DOT1L: variants seen among roughly 807,000 people sequenced by gnomAD.
The protein encoded by DOT1L is histone-lysine N-methyltransferase, H3 lysine-79 specific.
Under a neutral mutation model 153.3 loss-of-function variants are expected in DOT1L, and 33 were observed. That is an observed-to-expected ratio of 0.22 (90% CI 0.16 to 0.29). The LOEUF (loss-of-function observed/expected upper bound fraction) is 0.29. DOT1L is among the 10% of genes least tolerant of loss of function. The pLI is 1.00. For missense variants in DOT1L, 1,847 were observed against 2,119.9 expected (o/e 0.87, Z 2.53); for synonymous variants, 1,135 against 965.1 (o/e 1.18, Z -3.26).
At chr19:2,228,192 T>C (rs1705799212) in intron 27 of DOT1L, 2 of 1,365,034 alleles carry the variant, frequency 1.5e-6, no homozygotes, top group South Asian at 2.3e-5. Context: ...CCGCCCCTCC[T>C]TCACGGTGCA....
At chr19:2,229,464 C>G (rs2024506671) in intron 27 of DOT1L, 4 of 985,312 alleles carry the variant, frequency 4.1e-6, no homozygotes, top group African/African-American at 1.7e-5. Flanking sequence ...ATGCGGGCAC[C>G]TGCGGGCTGG....
intron 1 of DOT1L, among the ~76,000 whole-genome samples, chr19:2,166,192 G>C (rs1254543834): frequency 1.3e-5 from 2 of 152,062 alleles, no homozygotes; most frequent in Non-Finnish European, 2.9e-5. Flanking sequence ...AGCCTCCCGG[G>C]TTCAAGCGAT....
At position 2,226,259 on chromosome 19, in the gene DOT1L, G is replaced by C. The variant is rs762531606; in HGVS notation, c.3738G>C (p.Ser1246=). 6.3e-7 allele frequency: 1 copy of C among 1,582,204 alleles called. No individual in the cohort carries two copies. Among genetic ancestry groups the C allele is most frequent in the South Asian group, 1.1e-5 (1 of 87,374 alleles). The change falls in exon 27 of 28, where the codon TCG becomes TCC. Residue 1246 remains serine, a synonymous_variant. Coordinates refer to ENST00000398665, the MANE Select transcript of DOT1L (RefSeq NM_032482.3). ...VNSSKWKSTF[S]PISDIGLAKS... ...GCAGCAAGTGGAAGTCCACCTTCTC[G>C]CCCATCTCCGACATCGGCCTGGCCA...
chr19:2,201,041 TCCTCCC>T (rs2023251759), intron 8 of DOT1L, among the ~76,000 whole-genome samples: 1 of 119,434 alleles, frequency 8.4e-6, no homozygotes, highest in Non-Finnish European at 1.7e-5. Context: ...GCATTCCTCG[TCCTCCC>T]CGCATTCCTC....
chr19:2,176,348 T>C (rs1233547293), intron 1 of DOT1L, among the ~76,000 whole-genome samples: 1 of 152,126 alleles, frequency 6.6e-6, no homozygotes, highest in Admixed American at 6.6e-5. Flanking sequence ...TAGCTGTGAA[T>C]GACAGGGAAT....
intron 8 of DOT1L, among the ~76,000 whole-genome samples, chr19:2,201,440 C>T (rs1035904671): frequency 6.6e-6 from 1 of 152,228 alleles, no homozygotes; most frequent in Non-Finnish European, 1.5e-5. Context: ...TCCCTGTGCT[C>T]TTCTTCCTCG....
At chr19:2,211,955 CCCT>C in intron 16 of DOT1L, 113 bp downstream of exon 16, 1 of 929,496 alleles carries the variant, frequency 1.1e-6, no homozygotes, top group South Asian at 1.7e-5. Context: ...TGAGTGGGCT[CCCT>C]CCTCTGCTCA....
intron 1 of DOT1L, among the ~76,000 whole-genome samples, chr19:2,174,956 A>G (rs1466148312): frequency 9.9e-6 from 1 of 100,522 alleles, no homozygotes. Flanking sequence ...GTTTTTAAAT[A>G]TATGTGTGTG....
rs1403454584 is a variant in DOT1L, at chr19:2,204,231, ATGCCTGTGTGTGTGCG to A, written c.787+1457_787+1472del. On this transcript the variant is annotated intron_variant, in intron 9 of 27. Coordinates refer to ENST00000398665, the MANE Select transcript of DOT1L (RefSeq NM_032482.3). This position sits in a 1 kb window ranked among gnomAD's most constrained non-coding sequence, Gnocchi z 5.7. The stretch of plus-strand genomic sequence containing the variant: ...TGTCTGCATGTCTGTGCCTGTGTGC[ATGCCTGTGTGTGTGCG>A]TGCCCGTGTGCCTCCGTGTCTATGT... Among the ~76,000 whole-genome samples, 2 of 149,348 alleles carry A rather than the reference ATGCCTGTGTGTGTGCG, an allele frequency of 1.3e-5. No homozygotes were observed. The highest frequency in any genetic ancestry group is 5.0e-5 in the African/African-American group (2 of 40,236).
rs1342123167 is a variant in DOT1L, at chr19:2,190,167, C to T, written c.264+372C>T. Among the ~76,000 whole-genome samples, 1 of 152,142 alleles carries T rather than the reference C, an allele frequency of 6.6e-6. No individual in the cohort carries two copies. The highest frequency in any genetic ancestry group is 1.5e-5 in the Non-Finnish European group (1 of 68,018). On this transcript the variant is annotated intron_variant, in intron 4 of 27. Transcript: ENST00000398665. This position sits in a 1 kb window ranked among gnomAD's most constrained non-coding sequence, Gnocchi z 4.8. Reference sequence around the variant, plus strand: ...CTTCCCCCTTGGACCTCCCCCACACCGCCTGCCTTCATCAGGCTGGATGCC... The same window carrying T: ...CTTCCCCCTTGGACCTCCCCCACACTGCCTGCCTTCATCAGGCTGGATGCC...
chr19:2,166,862 G>T (rs867772660), intron 1 of DOT1L, among the ~76,000 whole-genome samples: 1 of 152,228 alleles, frequency 6.6e-6, no homozygotes, highest in African/African-American at 2.4e-5. Context: ...TCCCTGCGGC[G>T]CCCCCATCCT....
At chr19:2,184,170 T>C (rs967719637) in intron 2 of DOT1L, among the ~76,000 whole-genome samples, 1 of 152,012 alleles carries the variant, frequency 6.6e-6, no homozygotes, top group South Asian at 2.1e-4. Context: ...CTGGACAGTG[T>C]GATGAGAAGT....
chr19:2,229,117 G>A lies in DOT1L; in HGVS notation c.4607-668G>A, dbSNP rs111440747. ...AGCTGGGCAGGTTAGTGTAGACGGTGCCCACCTTTGAGACCAGAAGGAAGT... is the reference window on the plus strand; with the variant it reads ...AGCTGGGCAGGTTAGTGTAGACGGTACCCACCTTTGAGACCAGAAGGAAGT... On this transcript the variant is annotated intron_variant, in intron 27 of 27. Coordinates refer to ENST00000398665, the MANE Select transcript of DOT1L (RefSeq NM_032482.3). The A allele has an allele frequency of 9.6e-4, 944 of 985,450 alleles. 5 individuals are homozygous for A. The highest frequency in any genetic ancestry group is 7.9e-3 in the African/African-American group (456 of 57,360). 61.0% of individuals were successfully genotyped at this position (985,450 alleles called of 1,614,324 possible). A position where few individuals can be genotyped will look rare whatever the true frequency, so the allele number is the denominator to read the frequency against.
At chr19:2,179,417 T>C (rs1373442686) in intron 1 of DOT1L, among the ~76,000 whole-genome samples, 1 of 152,120 alleles carries the variant, frequency 6.6e-6, no homozygotes, top group Non-Finnish European at 1.5e-5. Context: ...TGACGCGCCC[T>C]GTGGACTGCA....
intron 1 of DOT1L, among the ~76,000 whole-genome samples, chr19:2,165,830 G>A (rs1433830139): frequency 6.6e-6 from 1 of 150,920 alleles, no homozygotes; most frequent in Non-Finnish European, 1.5e-5. Flanking sequence ...GTGCAGCGGC[G>A]CGATCTCGGC....
At chr19:2,221,637 G>C (rs1291252758) in intron 23 of DOT1L, 1 of 356,194 alleles carries the variant, frequency 2.8e-6, no homozygotes, top group Non-Finnish European at 5.1e-6. Flanking sequence ...TGGTGTCTCT[G>C]AGATCACGGG....
At chr19:2,211,954 TC>T in intron 16 of DOT1L, 112 bp downstream of exon 16, 1 of 964,652 alleles carries the variant, frequency 1.0e-6, no homozygotes, top group East Asian at 2.7e-5. Context: ...CTGAGTGGGC[TC>T]CCTCCTCTGC....
intron 2 of DOT1L, among the ~76,000 whole-genome samples, chr19:2,184,626 G>C (rs890985192): frequency 6.6e-6 from 1 of 152,150 alleles, no homozygotes; most frequent in African/African-American, 2.4e-5. Flanking sequence ...CTGTCACAGC[G>C]GCTCAGTGAC....
At chr19:2,194,274 C>G (rs2022922334) in intron 6 of DOT1L, among the ~76,000 whole-genome samples, 1 of 152,156 alleles carries the variant, frequency 6.6e-6, no homozygotes. Context: ...GGGTTCACAC[C>G]ATTCTCCTGC....
Sources: allele counts gnomAD v4.1 joint callset (sites outside exome capture counted in the v4.1 genomes callset), GRCh38; gene constraint gnomAD v4.1.1; non-coding constraint Gnocchi (gnomAD v3.1); transcripts MANE v1.5; gene names NCBI Gene and HGNC (gene_info 2026-07-23, HGNC 2026-07-21).